Variants in TPRG1 observed in about 807,000 individuals in gnomAD.
The protein encoded by TPRG1 is tumor protein p63-regulated gene 1 protein.
In TPRG1, 29 loss-of-function variants were observed where a neutral mutation model predicts 29.3. That is an observed-to-expected ratio of 0.99 (90% CI 0.74 to 1.35). TPRG1 has a LOEUF of 1.35. Ranked by LOEUF, TPRG1 falls within the 40% of genes most tolerant of loss-of-function variation. TPRG1 has a pLI of 0.00. For synonymous variants in TPRG1, 130 were observed against 116.8 expected (o/e 1.11, Z -0.73); for missense variants, 327 against 335.0 (o/e 0.98, Z 0.19).
Position 189,216,989 on chromosome 3 carries a change from G to C in TPRG1, c.302+1606G>C, listed in dbSNP as rs78246678. 5.7e-3 allele frequency among the ~76,000 whole-genome samples: 867 copies of C among 152,300 alleles called. 9 individuals are homozygous for C. The highest frequency in any genetic ancestry group is 0.018 in the African/African-American group (761 of 41,564). On this transcript the variant is annotated intron_variant, in intron 3 of 5. Transcript: ENST00000345063. Reference sequence around the variant, plus strand: ...CACAAATGCGGTATTTCTAAATCTAGTCAAGGCTGTTGTTGAGTTCTCAGA... The same window carrying C: ...CACAAATGCGGTATTTCTAAATCTACTCAAGGCTGTTGTTGAGTTCTCAGA...
chr3:189,248,847 AT>A (rs201626012), intron 4 of TPRG1, among the ~76,000 whole-genome samples: 67 of 150,384 alleles, frequency 4.5e-4, no homozygotes, highest in African/African-American at 9.7e-4. Context: ...TAAATTGCCA[AT>A]TTTTTTTTAT....
intron 1 of TPRG1, among the ~76,000 whole-genome samples, chr3:189,107,725 G>GT (rs1366834504): frequency 1.3e-5 from 2 of 152,024 alleles, no homozygotes; most frequent in African/African-American, 4.8e-5. Flanking sequence ...ATCCCTGTAA[G>GT]TTTTTTACTA....
intron 4 of TPRG1, among the ~76,000 whole-genome samples, chr3:189,080,685 G>C (rs1322742268): frequency 6.6e-6 from 1 of 152,132 alleles, no homozygotes; most frequent in African/African-American, 2.4e-5. Flanking sequence ...CAAGAATGAG[G>C]CATTTGGGAA....
chr3:189,174,224 C>T (rs1258027212), intron 1 of TPRG1, among the ~76,000 whole-genome samples: 1 of 152,208 alleles, frequency 6.6e-6, no homozygotes, highest in Non-Finnish European at 1.5e-5. Context: ...ATCCAGCATG[C>T]AGATGTGCTT....
At chr3:189,102,490 C>T (rs887091064) in intron 1 of TPRG1, among the ~76,000 whole-genome samples, 6 of 150,670 alleles carry the variant, frequency 4.0e-5, no homozygotes, top group Non-Finnish European at 8.8e-5. Flanking sequence ...TCTTTCTCAG[C>T]CCTACATGTT....
intron 4 of TPRG1, among the ~76,000 whole-genome samples, chr3:189,252,892 G>A (rs1196132367): frequency 6.6e-6 from 1 of 151,992 alleles, no homozygotes; most frequent in Non-Finnish European, 1.5e-5. Context: ...TATTCTCAAA[G>A]CAAAATGTGT....
chr3:189,292,291 G>GTT (rs1719129677), intron 4 of TPRG1, among the ~76,000 whole-genome samples: 23 of 83,562 alleles, frequency 2.8e-4, no homozygotes, highest in African/African-American at 9.7e-4. Context: ...TGAAGTTTTT[G>GTT]CTTTTTTTTT....
chr3:189,292,179 G>A (rs1379033707), intron 4 of TPRG1, among the ~76,000 whole-genome samples: 1 of 151,868 alleles, frequency 6.6e-6, no homozygotes. Flanking sequence ...CAGCATCAGT[G>A]TAGGGACTCT....
intron 1 of TPRG1, among the ~76,000 whole-genome samples, chr3:189,111,693 A>C (rs1021631460): frequency 8.5e-5 from 13 of 152,176 alleles, no homozygotes; most frequent in African/African-American, 3.1e-4. Flanking sequence ...ATACAGTAAC[A>C]TGATTGCCCG....
chr3:189,226,283 A>G (rs1040283329), intron 3 of TPRG1, among the ~76,000 whole-genome samples: 1 of 152,262 alleles, frequency 6.6e-6, no homozygotes, highest in Non-Finnish European at 1.5e-5. Context: ...TAGCCACAGA[A>G]CAAACCTCAA....
chr3:189,074,162 C>A (rs182956594), intron 4 of TPRG1, among the ~76,000 whole-genome samples: 1 of 110,430 alleles, frequency 9.1e-6, no homozygotes, highest in Non-Finnish European at 1.9e-5. Context: ...TTCATGTTGG[C>A]GTTTGGAGTT....
intron 3 of TPRG1, among the ~76,000 whole-genome samples, chr3:189,007,341 A>C (rs1365898234): frequency 6.6e-6 from 1 of 152,140 alleles, no homozygotes; most frequent in Non-Finnish European, 1.5e-5. Flanking sequence ...TCAAAACCAC[A>C]GTGAGATACC....
intron 1 of TPRG1, among the ~76,000 whole-genome samples, chr3:189,111,130 A>G (rs1449285562): frequency 6.6e-6 from 1 of 151,820 alleles, no homozygotes; most frequent in Non-Finnish European, 1.5e-5. Flanking sequence ...AAAAAATCTT[A>G]CTAGAATTGC....
intron 4 of TPRG1, among the ~76,000 whole-genome samples, chr3:189,254,931 A>G (rs1711568200): frequency 6.6e-6 from 1 of 152,182 alleles, no homozygotes; most frequent in Non-Finnish European, 1.5e-5. Context: ...GGCTGAGAAG[A>G]TGGGGTTTTC....
chr3:189,013,449 A>AT (rs1712722043), intron 3 of TPRG1, among the ~76,000 whole-genome samples: 2 of 151,926 alleles, frequency 1.3e-5, no homozygotes, highest in Non-Finnish European at 2.9e-5. Context: ...TTATGTGATC[A>AT]TTTTTTTGAG....
intron 1 of TPRG1, among the ~76,000 whole-genome samples, chr3:189,195,165 C>T (rs1338805649): frequency 6.6e-6 from 1 of 152,052 alleles, no homozygotes; most frequent in Admixed American, 6.6e-5. Flanking sequence ...CACCTAGGCA[C>T]TGTTTTCCTG....
At chr3:189,234,756 A>G (rs144616360) in intron 3 of TPRG1, among the ~76,000 whole-genome samples, 2 of 152,214 alleles carry the variant, frequency 1.3e-5, no homozygotes, top group Non-Finnish European at 2.9e-5. Context: ...CAGAGTTTAC[A>G]GTATAGGAGG....
intron 5 of TPRG1, among the ~76,000 whole-genome samples, chr3:189,157,317 T>C (rs1726823207): frequency 6.6e-6 from 1 of 152,242 alleles, no homozygotes; most frequent in Non-Finnish European, 1.5e-5. Context: ...GTCTTTATTC[T>C]GACCCCAGAC....
chr3:189,240,135 A>G (rs1264312122), intron 4 of TPRG1: 2 of 152,240 alleles, frequency 1.3e-5, no homozygotes, highest in African/African-American at 4.8e-5. Flanking sequence ...TACACTATGC[A>G]TACTACATAA....
Sources: allele counts gnomAD v4.1 joint callset (sites outside exome capture counted in the v4.1 genomes callset), GRCh38; gene constraint gnomAD v4.1.1; transcripts MANE v1.5; gene names NCBI Gene and HGNC (gene_info 2026-07-23, HGNC 2026-07-21).